STAU2: variants seen among roughly 807,000 people sequenced by gnomAD.
The protein encoded by STAU2 is staufen double-stranded RNA binding protein 2, also known as double-stranded RNA-binding protein Staufen homolog 2.
In STAU2, 20 loss-of-function variants were observed where a neutral mutation model predicts 65.9. The ratio of observed to expected loss-of-function variants is 0.30; its 90% CI spans 0.21 to 0.44. The LOEUF (loss-of-function observed/expected upper bound fraction) is 0.44, where lower values mean the gene tolerates loss of function less well. Among genes scored for constraint, STAU2 ranks in the 20% least tolerant of loss-of-function variants. The pLI is 1.00. For synonymous variants in STAU2, 232 were observed against 233.9 expected (o/e 0.99, Z 0.07); for missense variants, 558 against 683.9 (o/e 0.82, Z 2.05).
In STAU2 at chr8:73,687,891, T is replaced by G. The variant is rs1393599553; in HGVS notation, c.274+763A>C. 2.6e-5 allele frequency among the ~76,000 whole-genome samples: 4 copies of G among 151,680 alleles called. No individual in the cohort carries two copies. In the South Asian group the frequency reaches 6.2e-4, roughly 24 times the overall value. On this transcript the variant is annotated intron_variant, in intron 5 of 14. Coordinates refer to ENST00000524300, the MANE Select transcript of STAU2 (RefSeq NM_001164380.2). ...CATGTCCAGCTAATTTTTTTGTATT[T>G]TTTTAGTAGAGACAGGGTTTCACTG...
chr8:73,443,712 G>T (rs1818321304), intron 13 of STAU2, among the ~76,000 whole-genome samples: 1 of 152,152 alleles, frequency 6.6e-6, no homozygotes, highest in Non-Finnish European at 1.5e-5. Context: ...GCTGGGTGTG[G>T]TGGCATATGC....
chr8:73,656,919 G>A (rs565073750), intron 6 of STAU2, among the ~76,000 whole-genome samples: 13 of 152,346 alleles, frequency 8.5e-5, no homozygotes, highest in African/African-American at 2.9e-4. Context: ...AAAACGGAAA[G>A]CAGTGATTGT....
intron 13 of STAU2, among the ~76,000 whole-genome samples, chr8:73,505,580 A>G (rs1822014739): frequency 6.6e-6 from 1 of 152,130 alleles, no homozygotes; most frequent in Non-Finnish European, 1.5e-5. Flanking sequence ...AAAAGCCCCT[A>G]GTTCCCATGG....
chr8:73,603,662 C>A, intron 10 of STAU2, 64 bp downstream of exon 10: 1 of 1,557,036 alleles, frequency 6.4e-7, no homozygotes, highest in South Asian at 1.3e-5. Context: ...GCCTTTCGCC[C>A]AAATGCCTAT....
chr8:73,726,572 G>T (rs1355907119), intron 3 of STAU2, among the ~76,000 whole-genome samples: 4 of 152,000 alleles, frequency 2.6e-5, no homozygotes, highest in African/African-American at 9.7e-5. Flanking sequence ...CTTCCACCCT[G>T]TGCTTCATTT....
At chr8:73,719,857 T>G (rs1821515437) in intron 3 of STAU2, among the ~76,000 whole-genome samples, 1 of 152,220 alleles carries the variant, frequency 6.6e-6, no homozygotes, top group South Asian at 2.1e-4. Flanking sequence ...CACTTCAATA[T>G]TTTTAAAAGC....
intron 6 of STAU2, among the ~76,000 whole-genome samples, chr8:73,633,585 G>A (rs6472795): frequency 0.28 from 42,049 of 151,950 alleles, 6,328 homozygotes; most frequent in East Asian, 0.46. Flanking sequence ...ACCTTGAGGC[G>A]GCTACAAGAT....
intron 12 of STAU2, among the ~76,000 whole-genome samples, chr8:73,564,038 A>AC (rs147537092): frequency 6.6e-6 from 1 of 151,318 alleles, no homozygotes; most frequent in Non-Finnish European, 1.5e-5. Flanking sequence ...TACCCACACC[A>AC]CCCCCCTAAG....
intron 13 of STAU2, among the ~76,000 whole-genome samples, chr8:73,445,872 T>C (rs1173049786): frequency 1.3e-5 from 2 of 152,230 alleles, no homozygotes; most frequent in Non-Finnish European, 2.9e-5. Flanking sequence ...CAGCCACTTC[T>C]GATGGGAATG....
At chr8:73,713,319 T>C (rs1187511453) in intron 3 of STAU2, among the ~76,000 whole-genome samples, 1 of 152,142 alleles carries the variant, frequency 6.6e-6, no homozygotes, top group Non-Finnish European at 1.5e-5. Context: ...TAGGAACCAG[T>C]GAAGAAACAC....
rs147552005 is a variant in STAU2, at chr8:73,588,654, T to C, written c.1162-5824A>G. On this transcript the variant is annotated intron_variant, in intron 11 of 14. Transcript: ENST00000524300. ...CAGGAAATTCTCTGGTCCTAAGAGC[T>C]CAGTAAAGCTTCATTGCTTCTGAAG... is the stretch of plus-strand genomic sequence containing the variant. Among the ~76,000 whole-genome samples the C allele has an allele frequency of 4.1e-3, 619 of 152,188 alleles. 6 individuals carry two copies. Among genetic ancestry groups the C allele is most frequent in the African/African-American group, 0.014 (588 of 41,500 alleles).
intron 4 of STAU2, among the ~76,000 whole-genome samples, chr8:73,696,852 C>T (rs764675628): frequency 1.3e-5 from 2 of 151,894 alleles, no homozygotes; most frequent in Non-Finnish European, 1.5e-5. Flanking sequence ...ATTTCCCAAA[C>T]GAGAAAGATA....
chr8:73,717,459 G>A (rs1014803318), intron 3 of STAU2, among the ~76,000 whole-genome samples: 6 of 152,194 alleles, frequency 3.9e-5, no homozygotes, highest in Admixed American at 3.9e-4. Flanking sequence ...CGCAAGGTAT[G>A]AATCCATTTT....
intron 4 of STAU2, among the ~76,000 whole-genome samples, chr8:73,689,132 A>T (rs1819148399): frequency 6.6e-6 from 1 of 152,236 alleles, no homozygotes; most frequent in Non-Finnish European, 1.5e-5. Flanking sequence ...AAAGCAGAAT[A>T]AGTAGAAATA....
At chr8:73,580,033 A>C (rs1466110830) in intron 12 of STAU2, among the ~76,000 whole-genome samples, 8 of 152,174 alleles carry the variant, frequency 5.3e-5, no homozygotes, top group Non-Finnish European at 8.8e-5. Flanking sequence ...TGCCAGATTA[A>C]AATTCCCCTC....
intron 13 of STAU2, among the ~76,000 whole-genome samples, chr8:73,513,439 G>C (rs1822526132): frequency 6.6e-6 from 1 of 152,068 alleles, no homozygotes; most frequent in South Asian, 2.1e-4. Flanking sequence ...TGGGTTGGGG[G>C]AGCCCATTAA....
At chr8:73,674,138 A>G (rs1300905330) in intron 5 of STAU2, among the ~76,000 whole-genome samples, 5 of 151,604 alleles carry the variant, frequency 3.3e-5, no homozygotes, top group Admixed American at 2.6e-4. Context: ...AAAAAAAAAA[A>G]AAAAAACTTA....
chr8:73,449,349 G>C (rs1403712576), intron 13 of STAU2, among the ~76,000 whole-genome samples: 1 of 152,178 alleles, frequency 6.6e-6, no homozygotes, highest in East Asian at 1.9e-4. Context: ...CCTTCCTTCT[G>C]GGCAGCACAC....
chr8:73,596,657 T>C (rs994528143), intron 10 of STAU2, among the ~76,000 whole-genome samples: 3 of 152,072 alleles, frequency 2.0e-5, no homozygotes, highest in African/African-American at 7.2e-5. Context: ...GAGACCCGCC[T>C]GGGCAATATA....
Sources: gnomAD v4.1 joint callset for allele counts (sites outside exome capture counted in the v4.1 genomes callset) on GRCh38, gnomAD v4.1.1 for gene constraint, MANE v1.5 for transcripts, NCBI Gene and HGNC (gene_info 2026-07-23, HGNC 2026-07-21) for gene names.